TLN2: variants seen among roughly 807,000 people sequenced by gnomAD.
TLN2 encodes the protein talin 2, also known as talin-2.
A neutral mutation model predicts 294.7 loss-of-function variants in TLN2; 118 were observed. That is an observed-to-expected ratio of 0.40 (90% CI 0.34 to 0.47). The LOEUF (loss-of-function observed/expected upper bound fraction) is 0.47. Ranked by LOEUF, TLN2 falls within the 20% of genes least tolerant of loss-of-function variation. TLN2 has a pLI of 0.84. For missense variants in TLN2, 3,083 were observed against 3,282.2 expected (o/e 0.94, Z 1.48); for synonymous variants, 1,431 against 1,304.5 (o/e 1.10, Z -2.09).
intron 19 of TLN2, 39 bp downstream of exon 19, chr15:62,702,903 T>C (rs1348459671): frequency 6.3e-7 from 1 of 1,581,030 alleles, no homozygotes; most frequent in East Asian, 2.2e-5. Context: ...GAAAGAAGTC[T>C]AAGTGATGGT....
rs553538952 is a variant in TLN2 at position 62,822,120 on chromosome 15, G to C, written c.7002+1510G>C. ...TGTCTTTCCCTTTGTCCTTCCGCAG[G>C]GTCCTTCTGAGCTCTTGTCTGAGTC... On this transcript the variant is annotated intron_variant, in intron 54 of 58. Coordinates refer to ENST00000636159, the MANE Select transcript of TLN2 (RefSeq NM_015059.3). Among the ~76,000 whole-genome samples, 3 of 152,186 alleles carry C rather than the reference G, an allele frequency of 2.0e-5. No homozygotes were observed. In the South Asian group the frequency reaches 6.2e-4, roughly 32 times the overall value.
intron 1 of TLN2, among the ~76,000 whole-genome samples, chr15:62,526,661 C>T (rs1018383416): frequency 1.3e-5 from 2 of 152,194 alleles, no homozygotes; most frequent in Admixed American, 1.3e-4. Flanking sequence ...CAAACAGAAG[C>T]AAACATTTTA....
chr15:62,840,336 C>T (rs1210278708), intron 58 of TLN2, 146 bp from the exon 59 acceptor site: 18 of 1,177,810 alleles, frequency 1.5e-5, no homozygotes, highest in African/African-American at 3.1e-5. Flanking sequence ...GTGACAGAGG[C>T]TGGTCGCCAG....
At chr15:62,812,083 C>T (rs959764249) in intron 52 of TLN2, among the ~76,000 whole-genome samples, 2 of 151,844 alleles carry the variant, frequency 1.3e-5, no homozygotes, top group Non-Finnish European at 2.9e-5. Context: ...GGTGCCATTT[C>T]TGGCTGGTGG....
intron 54 of TLN2, among the ~76,000 whole-genome samples, chr15:62,821,996 C>T (rs1567679208): frequency 6.6e-6 from 1 of 152,160 alleles, no homozygotes; most frequent in Non-Finnish European, 1.5e-5. Flanking sequence ...TCCGCTAATG[C>T]CGAAGCCATG....
In TLN2 at chr15:62,614,471, A is replaced by C. The variant is rs1230899053; in HGVS notation, c.-161-3880A>C. The stretch of plus-strand genomic sequence containing the variant: ...TTTCAATTTTGCTGCTTGTATATCT[A>C]AATGGCCCTCTACTCCTTTAAAAAA... On this transcript the variant is annotated intron_variant, in intron 2 of 58. Transcript: ENST00000636159. 2.0e-5 allele frequency among the ~76,000 whole-genome samples: 3 copies of C among 152,106 alleles called. No homozygotes were observed. In the East Asian group the frequency reaches 5.8e-4, roughly 29 times the overall value.
intron 16 of TLN2, among the ~76,000 whole-genome samples, chr15:62,700,537 G>C (rs2058649353): frequency 6.6e-6 from 1 of 152,124 alleles, no homozygotes; most frequent in Non-Finnish European, 1.5e-5. Context: ...GCTAGTGGTA[G>C]ATCTGGATCC....
At chr15:62,827,571 G>C (rs1011378711) in intron 54 of TLN2, 4 of 152,196 alleles carry the variant, frequency 2.6e-5, no homozygotes, top group Admixed American at 2.6e-4. Context: ...CCCACTCCTG[G>C]TTGGGTGCTG....
chr15:62,702,857 G>T lies in TLN2; in HGVS notation c.1997G>T (p.Arg666Leu). The change falls in exon 19 of 59, where the codon CGA becomes CTA. Residue 666 changes from arginine to leucine, a missense_variant. Coordinates refer to ENST00000636159, the MANE Select transcript of TLN2 (RefSeq NM_015059.3). ...ATTGGAGAGAATGAGACTGATGAGC[G>T]ATTCCAGGTAAGATATTTGCAGGCT... Reference protein sequence around the residue: ...RQIGENETDERFQDVLMSLAK... With the variant: ...RQIGENETDELFQDVLMSLAK... 6.2e-7 allele frequency: 1 copy of T among 1,613,964 alleles called. No homozygotes were observed. Among genetic ancestry groups the T allele is most frequent in the East Asian group, 2.2e-5 (1 of 44,886 alleles).
At chr15:62,656,169 G>A in intron 8 of TLN2, 83 bp downstream of exon 8, 1 of 1,541,024 alleles carries the variant, frequency 6.5e-7, no homozygotes. Flanking sequence ...CAGGAGGGCG[G>A]CGCTGGCTTC....
intron 52 of TLN2, among the ~76,000 whole-genome samples, chr15:62,813,834 G>C (rs1483446596): frequency 6.7e-6 from 1 of 149,902 alleles, no homozygotes; most frequent in Non-Finnish European, 1.5e-5. Flanking sequence ...TTTTTTTGGA[G>C]ACAGAGTTTT....
In TLN2 at chr15:62,391,910, G is replaced by T. The variant is rs1294492493; in HGVS notation, c.-238+1225G>T. 2.6e-5 allele frequency among the ~76,000 whole-genome samples: 4 copies of T among 152,280 alleles called. No individual in the cohort carries two copies. In the East Asian group the frequency reaches 7.7e-4, roughly 29 times the overall value. ...GAGCCGTGCGCTGGGCGGCGTCCCG[G>T]GGCTGGGCGCCGAGTGTAGAGCGTT... On this transcript the variant is annotated intron_variant, in intron 1 of 58. Transcript: ENST00000636159.
intron 9 of TLN2, chr15:62,658,172 TA>T (rs1555459680): frequency 0.011 from 926 of 86,932 alleles, 2 homozygotes; most frequent in African/African-American, 0.017. Context: ...AAGAGGAAAG[TA>T]AAAAAAAAAA....
intron 27 of TLN2, among the ~76,000 whole-genome samples, chr15:62,725,956 G>T (rs1329793870): frequency 2.0e-5 from 3 of 152,194 alleles, no homozygotes; most frequent in South Asian, 2.1e-4. Context: ...CAGAAAATAT[G>T]TGTTAAATCA....
chr15:62,479,001 C>A (rs1390986933), intron 1 of TLN2, among the ~76,000 whole-genome samples: 1 of 152,228 alleles, frequency 6.6e-6, no homozygotes, highest in African/African-American at 2.4e-5. Flanking sequence ...CATGCTATCA[C>A]TTTTGTGTTA....
At chr15:62,483,633 C>G (rs1458042281) in intron 1 of TLN2, among the ~76,000 whole-genome samples, 3 of 152,146 alleles carry the variant, frequency 2.0e-5, no homozygotes. Flanking sequence ...TGGGTATATT[C>G]TCTCCAGCTG....
intron 1 of TLN2, among the ~76,000 whole-genome samples, chr15:62,475,098 G>C (rs1422740597): frequency 6.6e-6 from 1 of 152,140 alleles, no homozygotes; most frequent in Non-Finnish European, 1.5e-5. Context: ...TCTCCCTGAA[G>C]AATCGTTTAA....
chr15:62,836,550 AGAG>A (rs1474679226), intron 57 of TLN2, among the ~76,000 whole-genome samples: 3 of 152,228 alleles, frequency 2.0e-5, no homozygotes, highest in Admixed American at 1.3e-4. Context: ...TGCCTGCTTC[AGAG>A]GAGGCCTTCA....
In TLN2 at chr15:62,765,692, T is replaced by C. The variant is rs146276581; in HGVS notation, c.5095-629T>C. Among the ~76,000 whole-genome samples, 4 of 152,342 alleles carry C rather than the reference T, an allele frequency of 2.6e-5. No individual in the cohort carries two copies. The East Asian group carries it at 7.7e-4, about 29-fold the overall frequency. ...ATCTAGATATCTTTCTCTGTCTCTT[T>C]ACAGCATGATTCAATTCTTTAGGGG... On this transcript the variant is annotated intron_variant, in intron 40 of 58. Transcript: ENST00000636159.
Sources: gnomAD v4.1 joint callset for allele counts (sites outside exome capture counted in the v4.1 genomes callset) on GRCh38, gnomAD v4.1.1 for gene constraint, MANE v1.5 for transcripts, NCBI Gene and HGNC (gene_info 2026-07-23, HGNC 2026-07-21) for gene names.